DSCAM: variants seen among roughly 807,000 people sequenced by gnomAD.
DSCAM encodes cell adhesion molecule DSCAM.
DSCAM carries 47 observed loss-of-function variants against 217.7 expected under a neutral mutation model. The ratio of observed to expected loss-of-function variants is 0.22; its 90% confidence interval spans 0.17 to 0.28. The LOEUF is 0.28. Ranked by LOEUF, DSCAM falls within the 10% of genes least tolerant of loss-of-function variation. The pLI is 1.00. For missense variants in DSCAM, 2,080 were observed against 2,618.3 expected, an observed-to-expected ratio of 0.79 and a Z score of 4.49; for synonymous variants, 1,056 against 1,015.3, an observed-to-expected ratio of 1.04 and a Z score of -0.76.
At chr21:40,669,826 C>T (rs2090251027) in intron 3 of DSCAM, among the ~76,000 whole-genome samples, 1 of 152,012 alleles carries the variant, frequency 6.6e-6, no homozygotes, top group Non-Finnish European at 1.5e-5. Flanking sequence ...CCGCCTAGGC[C>T]TCCCAAAGTG....
chr21:40,249,658 C>G (rs1200417808), intron 11 of DSCAM, among the ~76,000 whole-genome samples: 1 of 152,178 alleles, frequency 6.6e-6, no homozygotes, highest in Non-Finnish European at 1.5e-5. Context: ...ATGAAGGCAG[C>G]TGTCTCTCTG....
intron 1 of DSCAM, among the ~76,000 whole-genome samples, chr21:40,736,485 T>C (rs2091064484): frequency 6.6e-6 from 1 of 152,218 alleles, no homozygotes; most frequent in Admixed American, 6.5e-5. Flanking sequence ...GTCATGGTTC[T>C]GGAGGTTAGA....
intron 3 of DSCAM, among the ~76,000 whole-genome samples, chr21:40,394,129 A>C (rs186963276): frequency 5.3e-5 from 8 of 152,348 alleles, no homozygotes; most frequent in Admixed American, 1.3e-4. Context: ...TAATGCAATG[A>C]CAATCTTGTG....
chr21:40,846,835 C>T lies in DSCAM; in HGVS notation c.-174G>A, dbSNP rs974659656. The T allele has an allele frequency of 1.3e-5, 2 of 153,082 alleles. No homozygotes were observed. Among genetic ancestry groups the T allele is most frequent in the African/African-American group, 4.9e-5 (2 of 41,046 alleles). The allele number at this position is 153,082 out of a possible 1,614,324, so 9.5% of individuals were successfully genotyped here. ...CCGGGCACGCGGCGCGGCCGGGCTCCGGAGCGAGGGCTGCGCTCGCCGCGC... is the reference window on the plus strand; with the variant it reads ...CCGGGCACGCGGCGCGGCCGGGCTCTGGAGCGAGGGCTGCGCTCGCCGCGC... On this transcript the variant is annotated 5_prime_UTR_variant, in exon 1 of 33. Transcript: ENST00000400454.
At chr21:40,472,617 A>C (rs911128528) in intron 3 of DSCAM, among the ~76,000 whole-genome samples, 1 of 152,220 alleles carries the variant, frequency 6.6e-6, no homozygotes, top group Non-Finnish European at 1.5e-5. Context: ...TAGAGCTTTA[A>C]GGTGATATTG....
chr21:40,045,079 G>A (rs1174423853), intron 30 of DSCAM, among the ~76,000 whole-genome samples: 1 of 152,238 alleles, frequency 6.6e-6, no homozygotes, highest in Non-Finnish European at 1.5e-5. Context: ...AGAGGGCCAT[G>A]GGATGATGCA....
chr21:40,498,291 T>C (rs750512816), intron 3 of DSCAM, among the ~76,000 whole-genome samples: 1 of 152,028 alleles, frequency 6.6e-6, no homozygotes, highest in Non-Finnish European at 1.5e-5. Flanking sequence ...GCTCACTGTA[T>C]TTCAGTGAGC....
At chr21:40,051,810 A>G in intron 30 of DSCAM, 148 bp downstream of exon 30, 1 of 965,942 alleles carries the variant, frequency 1.0e-6, no homozygotes, top group South Asian at 2.2e-5. Flanking sequence ...ATAACAGCTC[A>G]TTATCCCAAT....
intron 3 of DSCAM, among the ~76,000 whole-genome samples, chr21:40,643,984 G>C (rs2089913836): frequency 6.6e-6 from 1 of 152,134 alleles, no homozygotes; most frequent in Non-Finnish European, 1.5e-5. Context: ...TTGTTCAATT[G>C]AGACCAGCAG....
intron 1 of DSCAM, among the ~76,000 whole-genome samples, chr21:40,831,175 G>A (rs1049092465): frequency 7.2e-5 from 11 of 152,196 alleles, no homozygotes; most frequent in Non-Finnish European, 1.3e-4. Context: ...CATCACATTT[G>A]GACAATGGAC....
chr21:40,687,949 G>A (rs2090499562), intron 3 of DSCAM, among the ~76,000 whole-genome samples: 1 of 152,180 alleles, frequency 6.6e-6, no homozygotes, highest in African/African-American at 2.4e-5. Context: ...TACAGCCAAT[G>A]TTTCATGTAA....
intron 3 of DSCAM, among the ~76,000 whole-genome samples, chr21:40,493,356 AT>A (rs1281533516): frequency 1.3e-5 from 2 of 152,216 alleles, no homozygotes; most frequent in Non-Finnish European, 2.9e-5. Flanking sequence ...CTGAAAGAAC[AT>A]TAATAAACAA....
At chr21:40,428,073 A>G (rs1286197569) in intron 3 of DSCAM, among the ~76,000 whole-genome samples, 3 of 152,130 alleles carry the variant, frequency 2.0e-5, no homozygotes, top group African/African-American at 7.2e-5. Context: ...CTGATCTACT[A>G]TGAAGGGGAA....
chr21:40,453,040 TTGTGTGTGTGTGTGTGTGTGTGTGTGTG>T lies in DSCAM; in HGVS notation c.509-83823_509-83796del, dbSNP rs3069917. ...CTCTGGTTCCTGAATTTTAAAGACT[TTGTGTGTGTGTGTGTGTGTGTGTGTGTG>T]TGTGTGTGTGTGTGTGTGTGTGTGA... On this transcript the variant is annotated intron_variant, in intron 3 of 32. Transcript: ENST00000400454. Among the ~76,000 whole-genome samples the T allele has an allele frequency of 9.8e-4, 132 of 134,426 alleles. 1 individual carries two copies. The highest frequency in any genetic ancestry group is 1.4e-3 in the Admixed American group (18 of 13,280). The allele number at this position is 134,426 out of a possible 152,430, so 88.2% of individuals were successfully genotyped here.
intron 3 of DSCAM, among the ~76,000 whole-genome samples, chr21:40,543,938 G>A (rs1347943455): frequency 6.6e-6 from 1 of 151,934 alleles, no homozygotes; most frequent in African/African-American, 2.4e-5. Context: ...CTACCCAAGG[G>A]GAACACTTCT....
chr21:40,230,986 C>G (rs972487077), intron 11 of DSCAM, among the ~76,000 whole-genome samples: 1 of 151,410 alleles, frequency 6.6e-6, no homozygotes, highest in African/African-American at 2.4e-5. Flanking sequence ...ATCCATTTCT[C>G]TGAAGCCTTG....
chr21:40,827,790 G>A (rs539647669), intron 1 of DSCAM, among the ~76,000 whole-genome samples: 37 of 152,272 alleles, frequency 2.4e-4, no homozygotes, highest in Non-Finnish European at 3.5e-4. Context: ...TTTGTGTATC[G>A]TTCAACTCAT....
chr21:40,650,140 T>C (rs1255320613), intron 3 of DSCAM, among the ~76,000 whole-genome samples: 3 of 152,200 alleles, frequency 2.0e-5, no homozygotes, highest in Non-Finnish European at 4.4e-5. Flanking sequence ...CTTTTTTTAA[T>C]TGAACTGCTT....
intron 8 of DSCAM, among the ~76,000 whole-genome samples, chr21:40,317,823 G>A (rs545020518): frequency 2.6e-5 from 4 of 152,070 alleles, no homozygotes; most frequent in Non-Finnish European, 5.9e-5. Context: ...GTGAGCCACC[G>A]AGCCTGGATG....
Sources: gnomAD v4.1 joint callset for allele counts (sites outside exome capture counted in the v4.1 genomes callset) on GRCh38, gnomAD v4.1.1 for gene constraint, MANE v1.5 for transcripts, NCBI Gene and HGNC (gene_info 2026-07-23, HGNC 2026-07-21) for gene names.